The following SLC12A5 variants were observed in gnomAD, a reference collection of about 807,000 sequenced individuals.
The protein encoded by SLC12A5 is K-Cl cotransporter 2.
Under a neutral mutation model 124.0 loss-of-function variants are expected in SLC12A5, and 18 were observed. The observed-to-expected ratio is 0.15, with a 90% CI of 0.10 to 0.22. The LOEUF (loss-of-function observed/expected upper bound fraction) is 0.22. Ranked by LOEUF, SLC12A5 falls within the 10% of genes least tolerant of loss-of-function variation. The probability of loss-of-function intolerance (pLI) is 1.00; values close to 1 mark genes in which losing one functional copy is unlikely to be tolerated. For missense variants in SLC12A5, 867 were observed against 1,478.7 expected (o/e 0.59, Z 6.78); for synonymous variants, 589 against 568.0 (o/e 1.04, Z -0.53).
chr20:46,041,285 A>G (rs2084544721), intron 7 of SLC12A5, 44 bp from the exon 8 acceptor site: 1 of 1,580,330 alleles, frequency 6.3e-7, no homozygotes, highest in Non-Finnish European at 8.7e-7. Context: ...AGCGAGGGCA[A>G]GGTTATGTGG....
chr20:46,026,958 A>G (rs1251441374), upstream of SLC12A5, among the ~76,000 whole-genome samples: 1 of 152,198 alleles, frequency 6.6e-6, no homozygotes, highest in Non-Finnish European at 1.5e-5. Flanking sequence ...CAAATGAAGG[A>G]AAATAACCCC....
Position 46,053,070 on chromosome 20 carries a change from A to G in SLC12A5, c.2491A>G (p.Ile831Val). 6.2e-7 allele frequency: 1 copy of G among 1,613,978 alleles called. No homozygotes were observed. Among genetic ancestry groups the G allele is most frequent in the South Asian group, 1.1e-5 (1 of 91,076 alleles). ...TGAGGGCAGCATCGACGTTTGGTGG[A>G]TTGTGCACGATGGAGGCATGCTCAT... ...FSEGSIDVWW[I>V]VHDGGMLMLL... The change falls in exon 19 of 26, where the codon ATT (isoleucine) becomes GTT (valine). Residue 831 changes from isoleucine to valine, a missense_variant. Ile to Val is a conservative substitution (Grantham distance 29). Transcript: ENST00000243964. The surrounding 1 kb of genome is among the most constrained non-coding windows in gnomAD (Gnocchi z 4.7).
At chr20:46,041,753 C>T (rs563466521) in intron 8 of SLC12A5, among the ~76,000 whole-genome samples, 29 of 152,288 alleles carry the variant, frequency 1.9e-4, no homozygotes, top group South Asian at 1.0e-3. Context: ...AAGTCATCAA[C>T]GTAACAGGTG....
rs778428073 is a variant in SLC12A5 at position 46,049,682 on chromosome 20, G to T, written c.2073G>T (p.Leu691=). Residue 691 remains leucine (L), a synonymous_variant, in exon 17 of 26, where the codon CTG becomes CTT. Coordinates refer to ENST00000243964, the MANE Select transcript of SLC12A5 (RefSeq NM_020708.5). ...DQDQNVVHPQ[L]LSLTSQLKAG... Reference sequence around the variant, plus strand: ...ACCAGAATGTGGTGCACCCCCAGCTGCTCTCACTGACCTCCCAGCTGAAGG... The same window carrying T: ...ACCAGAATGTGGTGCACCCCCAGCTTCTCTCACTGACCTCCCAGCTGAAGG... The T allele has an allele frequency of 1.2e-6, 2 of 1,606,348 alleles. No homozygotes were observed. Among genetic ancestry groups the T allele is most frequent in the South Asian group, 1.1e-5 (1 of 89,108 alleles).
rs568965508 is a variant in SLC12A5 at position 46,030,085 on chromosome 20, T to C, written c.52+689T>C. 2.6e-5 allele frequency among the ~76,000 whole-genome samples: 4 copies of C among 152,170 alleles called. No homozygotes were observed. In the South Asian group the frequency reaches 6.2e-4, roughly 24 times the overall value. ...CTCAGACTGAAGCGTACTTCCTCCATAGATTTTCAGCTCTACTTTGCAGAA... is the reference window on the plus strand; with the variant it reads ...CTCAGACTGAAGCGTACTTCCTCCACAGATTTTCAGCTCTACTTTGCAGAA... On this transcript the variant is annotated intron_variant, in intron 1 of 25. Coordinates refer to ENST00000243964, the MANE Select transcript of SLC12A5 (RefSeq NM_020708.5).
chr20:46,034,044 C>T (rs576593828), intron 1 of SLC12A5, among the ~76,000 whole-genome samples: 1 of 152,184 alleles, frequency 6.6e-6, no homozygotes, highest in South Asian at 2.1e-4. Flanking sequence ...TTTAAGGGAC[C>T]AGCCTGCGCT....
At chr20:46,048,209 A>G in intron 16 of SLC12A5, 124 bp downstream of exon 16, 2 of 766,332 alleles carry the variant, frequency 2.6e-6, no homozygotes, top group South Asian at 2.3e-5. Context: ...GTCGTGCCCT[A>G]AAAGCCCAGC....
At chr20:46,028,754 G>C (rs11086993), upstream of SLC12A5, among the ~76,000 whole-genome samples, 1 of 152,100 alleles carries the variant, frequency 6.6e-6, no homozygotes, top group Non-Finnish European at 1.5e-5. Flanking sequence ...GTTCCATGGC[G>C]CACCTCCACG....
chr20:46,042,435 G>A (rs185359553), intron 8 of SLC12A5, among the ~76,000 whole-genome samples: 1 of 152,276 alleles, frequency 6.6e-6, no homozygotes, highest in East Asian at 1.9e-4. Context: ...GTGATGGAAT[G>A]ATGTCTGTGG....
At chr20:46,023,694 C>A, downstream of SLC12A5, 2 of 366,090 alleles carry the variant, frequency 5.5e-6, no homozygotes, top group Non-Finnish European at 9.7e-6. Context: ...CTCATTTAAC[C>A]TTTTCCAAAA....
intron 11 of SLC12A5, 85 bp downstream of exon 11, chr20:46,044,018 C>A: frequency 7.2e-7 from 1 of 1,380,306 alleles, no homozygotes; most frequent in Non-Finnish European, 9.8e-7. Flanking sequence ...TCAGGAGGTG[C>A]TGGGACCTGT....
chr20:46,058,648 G>C lies in SLC12A5; in HGVS notation c.*1043G>C. ...TCTCTCCTCAGTCGGCTTGTCGCCTGCTCCCCGTATCCCATGGCTCCTCGC... is the reference window on the plus strand; with the variant it reads ...TCTCTCCTCAGTCGGCTTGTCGCCTCCTCCCCGTATCCCATGGCTCCTCGC... On this transcript the variant is annotated 3_prime_UTR_variant, in exon 26 of 26. Transcript: ENST00000243964. The surrounding 1 kb of genome is among the most constrained non-coding windows in gnomAD (Gnocchi z 5.8). The C allele has an allele frequency of 5.0e-6, 2 of 399,022 alleles. No individual in the cohort carries two copies. Among genetic ancestry groups the C allele is most frequent in the Non-Finnish European group, 8.8e-6 (2 of 226,076 alleles). 24.7% of individuals were successfully genotyped at this position (399,022 alleles called of 1,614,324 possible).
chr20:46,039,180 A>G (rs1309716570), intron 6 of SLC12A5, among the ~76,000 whole-genome samples: 8 of 152,176 alleles, frequency 5.3e-5, no homozygotes, highest in Non-Finnish European at 1.2e-4. Flanking sequence ...TTCTCTTTGT[A>G]TATATTATTT....
At chr20:46,022,892 C>T in intron 1 of SLC12A5, 1 of 392,712 alleles carries the variant, frequency 2.5e-6, no homozygotes, top group Non-Finnish European at 4.5e-6. Context: ...GCTCTGAGGC[C>T]CTCGGGTCTG....
rs745527673 is a variant in SLC12A5 at position 46,049,683 on chromosome 20, C to A, written c.2074C>A (p.Leu692Ile). Residue 692 changes from leucine (L) to isoleucine (I), a missense_variant, in exon 17 of 26, where the codon CTC becomes ATC. Around this residue, in one of 9 missense-constraint regions of SLC12A5, gnomAD observed 38 missense variants for 36.2 expected, o/e 1.05. Transcript: ENST00000243964. Reference protein sequence around the residue: ...QDQNVVHPQLLSLTSQLKAGK... With the variant: ...QDQNVVHPQLISLTSQLKAGK... ...CCAGAATGTGGTGCACCCCCAGCTGCTCTCACTGACCTCCCAGCTGAAGGC... is the reference window on the plus strand; with the variant it reads ...CCAGAATGTGGTGCACCCCCAGCTGATCTCACTGACCTCCCAGCTGAAGGC... 1 of 1,606,354 alleles carries A rather than the reference C, an allele frequency of 6.2e-7. No individual in the cohort carries two copies. The highest frequency in any genetic ancestry group is 8.5e-7 in the Non-Finnish European group (1 of 1,176,756).
At chr20:46,036,116 A>T in intron 4 of SLC12A5, 193 bp downstream of exon 4, 1 of 589,262 alleles carries the variant, frequency 1.7e-6, no homozygotes, top group South Asian at 3.2e-5. Flanking sequence ...GCTGTTAACC[A>T]GGTTTCACCT....
At chr20:46,029,004 C>A, upstream of SLC12A5, 1 of 550,340 alleles carries the variant, frequency 1.8e-6, no homozygotes, top group Non-Finnish European at 2.6e-6. Context: ...CCCACGCAAT[C>A]CCCCAGTTTT....
rs771067022 is a variant in SLC12A5 at position 46,045,113 on chromosome 20, G to A, written c.1542G>A (p.Ser514=). The part of the protein sequence containing the change: ...TGAPRLLQAI[S]RDGIVPFLQV... ...CCCCACGCCTGCTGCAGGCCATCTC[G>A]AGGGATGGCATTGTGCCCTTCCTGC... The change falls in exon 12 of 26, where the codon TCG becomes TCA. Residue 514 remains serine (S), a synonymous_variant. Transcript: ENST00000243964. The surrounding 1 kb of genome is among the most constrained non-coding windows in gnomAD (Gnocchi z 4.9). 8.1e-6 allele frequency: 13 copies of A among 1,601,204 alleles called. No individual in the cohort carries two copies. Among genetic ancestry groups the A allele is most frequent in the South Asian group, 7.9e-5 (7 of 89,170 alleles).
intron 16 of SLC12A5, among the ~76,000 whole-genome samples, chr20:46,049,311 G>A (rs2084627189): frequency 6.6e-6 from 1 of 152,214 alleles, no homozygotes; most frequent in South Asian, 2.1e-4. Flanking sequence ...GATGGATGTA[G>A]GAATGGATGA....
Sources: allele counts gnomAD v4.1 joint callset (sites outside exome capture counted in the v4.1 genomes callset), GRCh38; gene constraint gnomAD v4.1.1; regional missense constraint gnomAD v4.1.1; non-coding constraint Gnocchi (gnomAD v3.1); transcripts MANE v1.5; gene names NCBI Gene and HGNC (gene_info 2026-07-23, HGNC 2026-07-21).